The following C8orf34 variants were observed in gnomAD, a reference collection of about 807,000 sequenced individuals.
C8orf34 encodes chromosome 8 open reading frame 34.
In C8orf34, 65 loss-of-function variants were observed where a neutral mutation model predicts 68.3. That is an observed-to-expected ratio of 0.95 (90% CI 0.78 to 1.17). The LOEUF is 1.17. C8orf34 is among the 50% of genes most tolerant of loss of function. C8orf34 has a pLI of 0.00. For missense variants in C8orf34, 664 were observed against 655.4 expected, an observed-to-expected ratio of 1.01 and a Z score of -0.14; for synonymous variants, 244 against 241.2, an observed-to-expected ratio of 1.01 and a Z score of -0.11.
intron 8 of C8orf34, among the ~76,000 whole-genome samples, chr8:68,698,952 G>A (rs932605855): frequency 6.6e-6 from 1 of 152,032 alleles, no homozygotes; most frequent in Non-Finnish European, 1.5e-5. Context: ...AATGAGGATG[G>A]ATGGGAAGGG....
intron 3 of C8orf34, 130 bp from the exon 4 acceptor site, chr8:68,468,562 A>T: frequency 1.2e-6 from 1 of 851,714 alleles, no homozygotes; most frequent in Non-Finnish European, 1.6e-6. Flanking sequence ...TCTCACAAGC[A>T]AACCATCTTC....
At chr8:68,527,979 C>T (rs1815086868) in intron 6 of C8orf34, among the ~76,000 whole-genome samples, 1 of 152,164 alleles carries the variant, frequency 6.6e-6, no homozygotes, top group African/African-American at 2.4e-5. Context: ...TGTCTCCTCC[C>T]TAAAACAATC....
At chr8:68,531,280 T>C (rs1815233423) in intron 6 of C8orf34, among the ~76,000 whole-genome samples, 1 of 152,168 alleles carries the variant, frequency 6.6e-6, no homozygotes, top group African/African-American at 2.4e-5. Flanking sequence ...TGGATTTTTG[T>C]ATACTTGTTT....
At chr8:68,435,575 A>G (rs1810628886) in intron 1 of C8orf34, among the ~76,000 whole-genome samples, 1 of 152,196 alleles carries the variant, frequency 6.6e-6, no homozygotes. Flanking sequence ...CAAGCTTGCT[A>G]GGAAGCTGCT....
At chr8:68,438,810 A>C (rs1017945602) in intron 1 of C8orf34, 7 of 152,158 alleles carry the variant, frequency 4.6e-5, no homozygotes, top group Non-Finnish European at 1.0e-4. Flanking sequence ...ACCCTTGGGC[A>C]GATTTCAGCC....
chr8:68,442,615 A>G (rs1036839346), intron 2 of C8orf34, among the ~76,000 whole-genome samples: 20 of 151,838 alleles, frequency 1.3e-4, no homozygotes, highest in African/African-American at 4.9e-4. Context: ...TATAGTGAAA[A>G]TATGAGCAAT....
intron 8 of C8orf34, among the ~76,000 whole-genome samples, chr8:68,686,131 T>TA (rs1017522228): frequency 6.6e-6 from 1 of 151,574 alleles, no homozygotes; most frequent in African/African-American, 2.4e-5. Context: ...GAATCAGTAA[T>TA]AAAAAAAGAT....
intron 1 of C8orf34, among the ~76,000 whole-genome samples, chr8:68,428,492 A>G (rs1810322741): frequency 6.6e-6 from 1 of 152,126 alleles, no homozygotes; most frequent in Non-Finnish European, 1.5e-5. Context: ...TAAACACTTC[A>G]TGTAGGTAAA....
intron 5 of C8orf34, among the ~76,000 whole-genome samples, chr8:68,500,771 A>T (rs748614261): frequency 1.3e-5 from 2 of 152,170 alleles, no homozygotes. Flanking sequence ...AACCATTAAC[A>T]TTCGGGCAAA....
At chr8:68,411,077 T>G (rs1809423959) in intron 1 of C8orf34, among the ~76,000 whole-genome samples, 1 of 152,232 alleles carries the variant, frequency 6.6e-6, no homozygotes, top group Non-Finnish European at 1.5e-5. Context: ...TCAGAATTTC[T>G]TGTTTTCCCA....
Position 68,749,902 on chromosome 8 carries a change from A to G in C8orf34, c.1405-26497A>G, listed in dbSNP as rs1454828761. ...GGTGGACATTTGGATTGTTTTTAAT[A>G]CTGGGCTAGTATTAATAGTGTGGCT... On this transcript the variant is annotated intron_variant, in intron 10 of 13. Transcript: ENST00000518698. Among the ~76,000 whole-genome samples, 3 of 152,146 alleles carry G rather than the reference A, an allele frequency of 2.0e-5. No homozygotes were observed. The South Asian group carries it at 6.2e-4, about 32-fold the overall frequency.
intron 7 of C8orf34, among the ~76,000 whole-genome samples, chr8:68,545,478 AACTC>A (rs1266784241): frequency 6.6e-6 from 1 of 152,118 alleles, no homozygotes; most frequent in Non-Finnish European, 1.5e-5. Flanking sequence ...TAGATAGAAA[AACTC>A]AATAGCATTC....
At chr8:68,732,344 G>A (rs920135526) in intron 10 of C8orf34, among the ~76,000 whole-genome samples, 7 of 152,052 alleles carry the variant, frequency 4.6e-5, no homozygotes, top group African/African-American at 1.7e-4. Flanking sequence ...GAAACTTTTT[G>A]TCCTTGAAGT....
At chr8:68,768,930 T>C (rs6472420) in intron 10 of C8orf34, among the ~76,000 whole-genome samples, 79,443 of 151,426 alleles carry the variant, frequency 0.52, 22,185 homozygotes, top group African/African-American at 0.72. Context: ...CATTCTTCTT[T>C]TAGCATAAAG....
At chr8:68,574,129 A>C (rs1326249187) in intron 7 of C8orf34, among the ~76,000 whole-genome samples, 1 of 152,130 alleles carries the variant, frequency 6.6e-6, no homozygotes, top group Admixed American at 6.6e-5. Context: ...AACTTAGTCT[A>C]TCAGATCTTT....
chr8:68,410,969 G>A (rs535768084), intron 1 of C8orf34, among the ~76,000 whole-genome samples: 2 of 152,164 alleles, frequency 1.3e-5, no homozygotes, highest in Non-Finnish European at 2.9e-5. Context: ...AGTAAGAATA[G>A]AACTAATTTT....
chr8:68,589,001 C>T (rs531636108), intron 7 of C8orf34, among the ~76,000 whole-genome samples: 21 of 152,106 alleles, frequency 1.4e-4, no homozygotes, highest in East Asian at 5.8e-4. Context: ...ATTTTATTGG[C>T]GAAAACAGGC....
intron 7 of C8orf34, among the ~76,000 whole-genome samples, chr8:68,577,537 A>G (rs1258537842): frequency 6.6e-6 from 1 of 152,006 alleles, no homozygotes; most frequent in Non-Finnish European, 1.5e-5. Context: ...TATTATATGC[A>G]TTATTAAAAA....
chr8:68,776,197 A>G (rs975398209), intron 10 of C8orf34, among the ~76,000 whole-genome samples: 68 of 152,346 alleles, frequency 4.5e-4, no homozygotes, highest in Middle Eastern at 3.4e-3. Context: ...CTTGAAAGCT[A>G]TATTGTTGTT....
Sources: gnomAD v4.1 joint callset for allele counts (sites outside exome capture counted in the v4.1 genomes callset) on GRCh38, gnomAD v4.1.1 for gene constraint, MANE v1.5 for transcripts, NCBI Gene and HGNC (gene_info 2026-07-23, HGNC 2026-07-21) for gene names.